GGT7: variants seen among roughly 807,000 people sequenced by gnomAD.
The protein encoded by GGT7 is gamma-glutamyltransferase 7.
In GGT7, 30 loss-of-function variants were observed where a neutral mutation model predicts 69.2. That is an observed-to-expected ratio of 0.43 (90% CI 0.32 to 0.59). GGT7 has a LOEUF of 0.59. Among genes scored for constraint, GGT7 ranks in the 20% least tolerant of loss-of-function variants. GGT7 has a pLI of 0.05. For missense variants in GGT7, 733 were observed against 901.1 expected (o/e 0.81, Z 2.39); for synonymous variants, 388 against 391.8 (o/e 0.99, Z 0.12).
At chr20:34,868,812 C>T (rs1024131797) in intron 1 of GGT7, among the ~76,000 whole-genome samples, 1 of 152,172 alleles carries the variant, frequency 6.6e-6, no homozygotes, top group Admixed American at 6.5e-5. Context: ...AGGATGTAAG[C>T]CTGTAGCTGC....
At chr20:34,861,892 C>T (rs1004124454) in intron 3 of GGT7, among the ~76,000 whole-genome samples, 4 of 152,128 alleles carry the variant, frequency 2.6e-5, no homozygotes, top group Admixed American at 2.0e-4. Flanking sequence ...TGGACCCCTG[C>T]CAGCTTCCTG....
intron 7 of GGT7, among the ~76,000 whole-genome samples, chr20:34,857,782 C>G (rs1356935249): frequency 6.6e-6 from 1 of 152,050 alleles, no homozygotes; most frequent in African/African-American, 2.4e-5. Context: ...CCACACCTGG[C>G]TAATGTTTGT....
At chr20:34,866,171 G>C (rs1363714259) in intron 1 of GGT7, among the ~76,000 whole-genome samples, 1 of 152,196 alleles carries the variant, frequency 6.6e-6, no homozygotes, top group Non-Finnish European at 1.5e-5. Context: ...TGCAAGAAAT[G>C]TTTATAAATT....
intron 5 of GGT7, 47 bp downstream of exon 5, chr20:34,860,207 G>C (rs763460437): frequency 7.1e-7 from 1 of 1,401,308 alleles, no homozygotes; most frequent in Admixed American, 1.7e-5. Context: ...GCCACCCAAG[G>C]AGAGATGCAA....
chr20:34,867,782 T>G (rs1480770875), intron 1 of GGT7, among the ~76,000 whole-genome samples: 1 of 152,180 alleles, frequency 6.6e-6, no homozygotes, highest in Non-Finnish European at 1.5e-5. Flanking sequence ...CTAGAAAGCC[T>G]CCTTCCCATT....
chr20:34,855,045 G>T, intron 8 of GGT7, 122 bp from the exon 9 acceptor site: 1 of 892,140 alleles, frequency 1.1e-6, no homozygotes, highest in Non-Finnish European at 1.7e-6. Context: ...CTCACCAGAT[G>T]GGGAAACTGA....
rs1183007800 is a variant in GGT7, at chr20:34,860,050, G to A, written c.744-8C>T. 6 of 1,540,416 alleles carry A rather than the reference G, an allele frequency of 3.9e-6. No individual in the cohort carries two copies. In the African/African-American group the frequency reaches 4.1e-5, roughly 11 times the overall value. On this transcript the variant is annotated splice_polypyrimidine_tract_variant and splice_region_variant and intron_variant, in intron 5 of 14. Coordinates refer to ENST00000336431, the MANE Select transcript of GGT7 (RefSeq NM_178026.3). ...ACTTGGGACCATGGCAGCCTGGGGG[G>A]GCCGGAGAGCAGGGGGTGGAGGAGG...
At position 34,863,636 on chromosome 20, in the gene GGT7, C is replaced by T. The variant is rs1473514538; in HGVS notation, c.170-88G>A. 1 of 850,966 alleles carries T rather than the reference C, an allele frequency of 1.2e-6. No homozygotes were observed. The allele number at this position is 850,966 out of a possible 1,614,324, so 52.7% of individuals were successfully genotyped here. On this transcript the variant is annotated intron_variant, in intron 1 of 14. Coordinates refer to ENST00000336431, the MANE Select transcript of GGT7 (RefSeq NM_178026.3). The surrounding 1 kb of genome is among the most constrained non-coding windows in gnomAD (Gnocchi z 4.4). ...TGGGACTATTCAGCGCTTTCCCTGCCCCGCCCCTGCCACACAATCCCCGCA... is the reference window on the plus strand; with the variant it reads ...TGGGACTATTCAGCGCTTTCCCTGCTCCGCCCCTGCCACACAATCCCCGCA...
At chr20:34,856,996 T>C (rs2079504780) in intron 7 of GGT7, 103 bp from the exon 8 acceptor site, 2 of 756,242 alleles carry the variant, frequency 2.6e-6, no homozygotes, top group Non-Finnish European at 4.7e-6. Flanking sequence ...TTATAACTTC[T>C]GTGCCTTCTG....
intron 14 of GGT7, among the ~76,000 whole-genome samples, chr20:34,848,932 C>T (rs751359562): frequency 1.2e-4 from 18 of 152,162 alleles, no homozygotes; most frequent in Non-Finnish European, 1.3e-4. Flanking sequence ...TTATAAAATT[C>T]AGCTGTGCCA....
chr20:34,854,186 C>T (rs1439318391), intron 10 of GGT7, among the ~76,000 whole-genome samples: 2 of 152,234 alleles, frequency 1.3e-5, no homozygotes, highest in African/African-American at 4.8e-5. Context: ...ATCCACCCGC[C>T]TTGGCCTCCC....
rs2079624954 is a variant in GGT7 at position 34,863,030 on chromosome 20, C to G, written c.406-65G>C. On this transcript the variant is annotated intron_variant, in intron 2 of 14. Coordinates refer to ENST00000336431, the MANE Select transcript of GGT7 (RefSeq NM_178026.3). The surrounding 1 kb of genome is among the most constrained non-coding windows in gnomAD (Gnocchi z 4.4). ...TGTCCACCTCCCTAGGGCACCTCCA[C>G]TAGCCCTAGAACTCTACGCGGCATG... 5 of 1,482,124 alleles carry G rather than the reference C, an allele frequency of 3.4e-6. No individual in the cohort carries two copies. The highest frequency in any genetic ancestry group is 4.6e-6 in the Non-Finnish European group (5 of 1,084,146). The allele number at this position is 1,482,124 out of a possible 1,614,324, so 91.8% of individuals were successfully genotyped here.
intron 6 of GGT7, 144 bp from the exon 7 acceptor site, chr20:34,859,783 T>A: frequency 1.2e-6 from 1 of 819,370 alleles, no homozygotes; most frequent in Non-Finnish European, 1.9e-6. Flanking sequence ...GAGGCAGGGA[T>A]GTCTAAGGGC....
Position 34,872,795 on chromosome 20 carries a change from G to T in GGT7, c.21C>A (p.Ala7=). 7.3e-7 allele frequency: 1 copy of T among 1,370,958 alleles called. No homozygotes were observed. Among genetic ancestry groups the T allele is most frequent in the South Asian group, 1.7e-5 (1 of 57,662 alleles). The allele number at this position is 1,370,958 out of a possible 1,614,324, so 84.9% of individuals were successfully genotyped here. A position where few individuals can be genotyped will look rare whatever the true frequency, so the allele number is the denominator to read the frequency against. The change falls in exon 1 of 15, where the codon GCC becomes GCA. Residue 7 remains alanine (A), a synonymous_variant. Coordinates refer to ENST00000336431, the MANE Select transcript of GGT7 (RefSeq NM_178026.3). The stretch of plus-strand genomic sequence containing the variant: ...AGGCGCCCAGGGCGCTCTCCTGGCT[G>T]GCCTCGTTCTCCGCCGCCATCCTCG... The part of the protein sequence containing the change: MAAENE[A]SQESALGAYS...
In GGT7 at chr20:34,848,000, C is replaced by T. The variant is rs543001668; in HGVS notation, c.1825+1961G>A. Among the ~76,000 whole-genome samples the T allele has an allele frequency of 7.2e-5, 11 of 152,132 alleles. No individual in the cohort carries two copies. In the South Asian group the frequency reaches 1.2e-3, roughly 17 times the overall value. ...CTCAGCTACTCGGGAGGCTGAGGCA[C>T]GAGAATCACTTGAACCCAGGAGGTG... On this transcript the variant is annotated intron_variant, in intron 14 of 14. Transcript: ENST00000336431.
chr20:34,847,803 C>T (rs534509553), intron 14 of GGT7, among the ~76,000 whole-genome samples: 1 of 152,266 alleles, frequency 6.6e-6, no homozygotes, highest in East Asian at 1.9e-4. Flanking sequence ...TTTTAAAATA[C>T]ATTTAGGGCC....
In GGT7 at chr20:34,845,076, G is replaced by A. The variant is rs2079277681; in HGVS notation, c.*252C>T. The A allele has an allele frequency of 5.6e-6, 3 of 533,650 alleles. No individual in the cohort carries two copies. Among genetic ancestry groups the A allele is most frequent in the South Asian group, 4.5e-5 (2 of 44,134 alleles). 33.1% of individuals were successfully genotyped at this position (533,650 alleles called of 1,614,324 possible). ...CAGACAGATAGTCTGATTCCTCAAG[G>A]TCCTGCCTGCCTGGCTGTACTGTAG... On this transcript the variant is annotated 3_prime_UTR_variant, in exon 15 of 15. Coordinates refer to ENST00000336431, the MANE Select transcript of GGT7 (RefSeq NM_178026.3).
At position 34,845,282 on chromosome 20, in the gene GGT7, G is replaced by A. The variant is rs749275473; in HGVS notation, c.*46C>T. 24 of 1,560,244 alleles carry A rather than the reference G, an allele frequency of 1.5e-5. No individual in the cohort carries two copies. Among genetic ancestry groups the A allele is most frequent in the Non-Finnish European group, 2.1e-5 (24 of 1,147,032 alleles). ...AACCTGGGAGAAGGAGGGACTCTGGGAACATGCAAAGTGGGGGAGCAGAGA... is the reference window on the plus strand; with the variant it reads ...AACCTGGGAGAAGGAGGGACTCTGGAAACATGCAAAGTGGGGGAGCAGAGA... On this transcript the variant is annotated 3_prime_UTR_variant, in exon 15 of 15. Transcript: ENST00000336431.
intron 13 of GGT7, 28 bp downstream of exon 13, chr20:34,851,203 A>G: frequency 6.2e-7 from 1 of 1,610,826 alleles, no homozygotes; most frequent in East Asian, 2.2e-5. Flanking sequence ...TCCCGGCTGA[A>G]AAAGGCCAAC....
Sources: allele counts gnomAD v4.1 joint callset (sites outside exome capture counted in the v4.1 genomes callset), GRCh38; gene constraint gnomAD v4.1.1; non-coding constraint Gnocchi (gnomAD v3.1); transcripts MANE v1.5; gene names NCBI Gene and HGNC (gene_info 2026-07-23, HGNC 2026-07-21).